Variants in PAK1 observed in about 807,000 individuals in gnomAD.
PAK1 encodes the protein p21 (RAC1) activated kinase 1.
A neutral mutation model predicts 67.4 loss-of-function variants in PAK1; 29 were observed. That is an observed-to-expected ratio of 0.43 (90% CI 0.32 to 0.59). PAK1 has a LOEUF of 0.59. Among genes scored for constraint, PAK1 ranks in the 20% least tolerant of loss-of-function variants. PAK1 has a pLI of 0.07. For missense variants in PAK1, 337 were observed against 670.7 expected, an observed-to-expected ratio of 0.50 and a Z score of 5.50; for synonymous variants, 223 against 237.4, an observed-to-expected ratio of 0.94 and a Z score of 0.56.
the PAK1 span, among the ~76,000 whole-genome samples, chr11:77,528,200 C>G: frequency 2.5e-3 from 388 of 152,184 alleles, no homozygotes; most frequent in African/African-American, 8.4e-3. Flanking sequence ...ATTTCAATCT[C>G]TAAAAATAAG....
the PAK1 span, among the ~76,000 whole-genome samples, chr11:77,482,589 C>CTTT: frequency 1.2e-4 from 16 of 137,620 alleles, no homozygotes; most frequent in African/African-American, 4.0e-4. Context: ...TTCCCTCACT[C>CTTT]TTTTTTTCTT....
chr11:77,388,413 G>A (rs1241858737), intron 2 of PAK1, among the ~76,000 whole-genome samples: 1 of 152,198 alleles, frequency 6.6e-6, no homozygotes, highest in Non-Finnish European at 1.5e-5. Context: ...AAGTGCAGTG[G>A]CGCAATCTTG....
At chr11:77,426,195 T>G (rs1253018856) in intron 1 of PAK1, among the ~76,000 whole-genome samples, 2 of 151,350 alleles carry the variant, frequency 1.3e-5, no homozygotes, top group African/African-American at 4.9e-5. Context: ...CCACTCAACT[T>G]CTCTGAGTAT....
At chr11:77,415,129 C>T (rs1380112719) in intron 1 of PAK1, among the ~76,000 whole-genome samples, 2 of 152,108 alleles carry the variant, frequency 1.3e-5, no homozygotes, top group African/African-American at 2.4e-5. Context: ...TGAAAAGATG[C>T]TCAGCATCTT....
intron 5 of PAK1, among the ~76,000 whole-genome samples, chr11:77,360,133 A>T (rs1235823677): frequency 1.3e-5 from 2 of 152,156 alleles, no homozygotes; most frequent in African/African-American, 4.8e-5. Context: ...TAACGGGATA[A>T]ATGGAAGAAC....
intron 1 of PAK1, among the ~76,000 whole-genome samples, chr11:77,439,957 G>C (rs1263673561): frequency 6.6e-6 from 1 of 152,148 alleles, no homozygotes; most frequent in Non-Finnish European, 1.5e-5. Flanking sequence ...TAGAAACCTA[G>C]TATGGATATT....
intron 8 of PAK1, chr11:77,349,651 A>G (rs984177357): frequency 6.4e-5 from 14 of 219,110 alleles, no homozygotes; most frequent in African/African-American, 1.1e-4. Flanking sequence ...AGCCAACTGC[A>G]TATCATATAA....
the PAK1 span, among the ~76,000 whole-genome samples, chr11:77,484,630 A>G: frequency 6.6e-6 from 1 of 152,172 alleles, no homozygotes; most frequent in East Asian, 1.9e-4. Context: ...CCAGGAAGAA[A>G]AGTTATGGAG....
intron 10 of PAK1, 38 bp from the exon 11 acceptor site, chr11:77,340,801 A>C: frequency 9.3e-7 from 1 of 1,081,070 alleles, no homozygotes; most frequent in East Asian, 2.4e-5. Context: ...GAGAACAATC[A>C]GAGTACACTG....
At chr11:77,526,970 A>G in the PAK1 span, among the ~76,000 whole-genome samples, 1 of 151,646 alleles carries the variant, frequency 6.6e-6, no homozygotes, top group Non-Finnish European at 1.5e-5. Flanking sequence ...TTTTCTGGAG[A>G]GTGAGACTGG....
intron 1 of PAK1, among the ~76,000 whole-genome samples, chr11:77,462,703 G>A (rs556916595): frequency 1.3e-5 from 2 of 152,008 alleles, no homozygotes; most frequent in African/African-American, 4.8e-5. Context: ...ATGGTGCCTT[G>A]CACCTATAAT....
At chr11:77,500,437 A>G in the PAK1 span, among the ~76,000 whole-genome samples, 1 of 152,122 alleles carries the variant, frequency 6.6e-6, no homozygotes, top group African/African-American at 2.4e-5. Context: ...ACTGCACCCC[A>G]GCCTGGGCAA....
intron 1 of PAK1, among the ~76,000 whole-genome samples, chr11:77,404,784 T>C (rs7119661): frequency 0.049 from 7,441 of 152,304 alleles, 647 homozygotes; most frequent in African/African-American, 0.17. Flanking sequence ...CTTTCAGCTA[T>C]GTCAACCTTT....
At chr11:77,339,935 G>A (rs184953245) in intron 11 of PAK1, among the ~76,000 whole-genome samples, 20 of 151,976 alleles carry the variant, frequency 1.3e-4, no homozygotes, top group Admixed American at 3.3e-4. Flanking sequence ...CAATGTCTCT[G>A]AATATTCCCT....
intron 14 of PAK1, among the ~76,000 whole-genome samples, chr11:77,328,139 T>C (rs1940503676): frequency 6.6e-6 from 1 of 152,114 alleles, no homozygotes; most frequent in Admixed American, 6.5e-5. Context: ...ATAAAGCAAG[T>C]CCTTAGTGAC....
intron 13 of PAK1, among the ~76,000 whole-genome samples, chr11:77,335,383 C>T (rs1042885531): frequency 1.3e-5 from 2 of 152,256 alleles, no homozygotes; most frequent in Admixed American, 1.3e-4. Context: ...CATTCAAAAC[C>T]AACTCTTTAT....
At chr11:77,446,530 A>G (rs1956615908) in intron 1 of PAK1, among the ~76,000 whole-genome samples, 1 of 151,388 alleles carries the variant, frequency 6.6e-6, no homozygotes, top group East Asian at 1.9e-4. Flanking sequence ...AAAAAAAAAA[A>G]AAAAGAAAGT....
chr11:77,399,587 C>T (rs976621933), intron 1 of PAK1, among the ~76,000 whole-genome samples: 3 of 151,996 alleles, frequency 2.0e-5, no homozygotes, highest in Admixed American at 6.6e-5. Context: ...TGGCCGGGCG[C>T]GGTGGCTCAC....
chr11:77,354,165 G>A (rs1945681773), intron 7 of PAK1, among the ~76,000 whole-genome samples: 1 of 152,142 alleles, frequency 6.6e-6, no homozygotes, highest in Non-Finnish European at 1.5e-5. Flanking sequence ...AATATTTCAA[G>A]TGCAACGACA....
Sources: allele counts gnomAD v4.1 joint callset (sites outside exome capture counted in the v4.1 genomes callset), GRCh38; gene constraint gnomAD v4.1.1; transcripts MANE v1.5; gene names NCBI Gene and HGNC (gene_info 2026-07-23, HGNC 2026-07-21).